XKR6: variants seen among roughly 807,000 people sequenced by gnomAD.
The protein encoded by XKR6 is XK-related protein 6.
In XKR6, 22 loss-of-function variants were observed where a neutral mutation model predicts 56.7. That is an observed-to-expected ratio of 0.39 (90% CI 0.28 to 0.55). XKR6 has a LOEUF of 0.55. XKR6 is among the 20% of genes least tolerant of loss of function. The pLI is 0.66. For missense variants in XKR6, 852 were observed against 889.0 expected, an observed-to-expected ratio of 0.96 and a Z score of 0.53; for synonymous variants, 524 against 387.8, an observed-to-expected ratio of 1.35 and a Z score of -4.13.
In XKR6 at chr8:11,123,176, G is replaced by T. The variant is rs540458306; in HGVS notation, c.764+77400C>A. Among the ~76,000 whole-genome samples the T allele has an allele frequency of 1.6e-3, 240 of 149,858 alleles. 1 individual carries two copies. The highest frequency in any genetic ancestry group is 3.8e-3 in the South Asian group (18 of 4,744). The stretch of plus-strand genomic sequence containing the variant: ...GGCTTGAACCTGGGAGGTGGAGGTC[G>T]CAGTGAGCCGAGATTGTGCCACTGC... On this transcript the variant is annotated intron_variant, in intron 1 of 2. Coordinates refer to ENST00000416569, the MANE Select transcript of XKR6 (RefSeq NM_173683.4).
rs79502306 is a variant in XKR6, at chr8:11,040,184, A to T, written c.765-115354T>A. On this transcript the variant is annotated intron_variant, in intron 1 of 2. Transcript: ENST00000416569. ...TAAGGTCCACGATGCCCTACTTTCC[A>T]CTCCTGCAGGAACAGGACCCTTCCT... Among the ~76,000 whole-genome samples the T allele has an allele frequency of 5.8e-3, 871 of 149,932 alleles. 7 individuals carry two copies. The highest frequency in any genetic ancestry group is 0.02 in the African/African-American group (830 of 40,740).
At chr8:11,192,524 G>A (rs1363647773) in intron 1 of XKR6, among the ~76,000 whole-genome samples, 4 of 150,216 alleles carry the variant, frequency 2.7e-5, no homozygotes, top group African/African-American at 4.8e-5. Flanking sequence ...CATAGGCAAG[G>A]GAACTGCTTG....
At chr8:10,926,024 A>G (rs945838968) in intron 1 of XKR6, among the ~76,000 whole-genome samples, 10 of 152,080 alleles carry the variant, frequency 6.6e-5, no homozygotes, top group African/African-American at 2.4e-4. Context: ...GTGGGAGAGA[A>G]CCACATGCCT....
intron 1 of XKR6, among the ~76,000 whole-genome samples, chr8:10,964,850 T>C (rs1802169281): frequency 6.6e-6 from 1 of 152,200 alleles, no homozygotes; most frequent in South Asian, 2.1e-4. Flanking sequence ...TCTAAAGCCC[T>C]TTCCCCTGAC....
At chr8:11,055,011 A>T (rs569218820) in intron 1 of XKR6, among the ~76,000 whole-genome samples, 6 of 152,178 alleles carry the variant, frequency 3.9e-5, no homozygotes, top group Admixed American at 6.5e-5. Flanking sequence ...GGCTGTAGAC[A>T]AGCAGATGGC....
In XKR6 at chr8:11,200,341, T is replaced by C. The variant is rs1403770454; in HGVS notation, c.764+235A>G. On this transcript the variant is annotated intron_variant, in intron 1 of 2. Coordinates refer to ENST00000416569, the MANE Select transcript of XKR6 (RefSeq NM_173683.4). This position sits in a 1 kb window ranked among gnomAD's most constrained non-coding sequence, Gnocchi z 6.4. ...AGGTTGGGGCAAGAGCCCCGCCGAG[T>C]GCGAAGCGGGGACGAGGACGGGCCA... is the stretch of plus-strand genomic sequence containing the variant. 6.6e-6 allele frequency among the ~76,000 whole-genome samples: 1 copy of C among 152,134 alleles called. No homozygotes were observed. Among genetic ancestry groups the C allele is most frequent in the Non-Finnish European group, 1.5e-5 (1 of 68,012 alleles).
At chr8:10,987,426 T>C (rs1797886205) in intron 1 of XKR6, among the ~76,000 whole-genome samples, 1 of 152,218 alleles carries the variant, frequency 6.6e-6, no homozygotes, top group Non-Finnish European at 1.5e-5. Flanking sequence ...CTTTGAATTC[T>C]CTCTCACACA....
At chr8:10,955,343 TC>T in intron 1 of XKR6, among the ~76,000 whole-genome samples, 1 of 152,250 alleles carries the variant, frequency 6.6e-6, no homozygotes, top group East Asian at 1.9e-4. Context: ...CAGCTAATTT[TC>T]TTATTTTTTT....
intron 1 of XKR6, among the ~76,000 whole-genome samples, chr8:11,103,531 T>C (rs1021959976): frequency 2.6e-5 from 4 of 152,180 alleles, no homozygotes; most frequent in Non-Finnish European, 5.9e-5. Context: ...CAAATGGGGC[T>C]TTTAAAATGG....
intron 1 of XKR6, among the ~76,000 whole-genome samples, chr8:11,012,106 C>A (rs192117357): frequency 1.2e-4 from 19 of 152,324 alleles, no homozygotes; most frequent in African/African-American, 4.3e-4. Context: ...CCCATCTAAG[C>A]AGATGGAGGA....
intron 1 of XKR6, among the ~76,000 whole-genome samples, chr8:11,049,008 C>T (rs189911910): frequency 2.8e-3 from 419 of 152,304 alleles, no homozygotes; most frequent in Non-Finnish European, 4.4e-3. Context: ...CTGCTGAAGA[C>T]GAGTCGGAAC....
chr8:11,151,303 T>G (rs1457587552), intron 1 of XKR6, among the ~76,000 whole-genome samples: 2 of 152,222 alleles, frequency 1.3e-5, no homozygotes. Context: ...CCCAAGTTCA[T>G]GTATACTAAT....
chr8:11,189,982 C>T (rs1563206480), intron 1 of XKR6, among the ~76,000 whole-genome samples: 1 of 152,002 alleles, frequency 6.6e-6, no homozygotes, highest in African/African-American at 2.4e-5. Flanking sequence ...CATGGTGAAA[C>T]ACTTTCTCTA....
intron 1 of XKR6, among the ~76,000 whole-genome samples, chr8:11,011,497 T>C (rs927260358): frequency 2.6e-5 from 4 of 152,200 alleles, no homozygotes; most frequent in African/African-American, 9.7e-5. Flanking sequence ...TCAACAAATA[T>C]TTACAGAGTT....
chr8:11,012,715 T>C (rs1181083347), intron 1 of XKR6, among the ~76,000 whole-genome samples: 5 of 151,912 alleles, frequency 3.3e-5, no homozygotes, highest in Non-Finnish European at 7.4e-5. Context: ...CTTGTTTTAA[T>C]CTTTTCTTTG....
intron 1 of XKR6, among the ~76,000 whole-genome samples, chr8:10,987,726 C>G (rs1797894858): frequency 6.6e-6 from 1 of 152,234 alleles, no homozygotes; most frequent in Admixed American, 6.5e-5. Flanking sequence ...CAAGCATTTA[C>G]TATGGCCCCA....
chr8:10,925,957 G>T (rs1313175438), intron 1 of XKR6, among the ~76,000 whole-genome samples: 1 of 152,120 alleles, frequency 6.6e-6, no homozygotes, highest in African/African-American at 2.4e-5. Context: ...ACAGTGCACA[G>T]CTCTGTGGGC....
At chr8:11,162,470 AAAAC>A (rs1801860860) in intron 1 of XKR6, among the ~76,000 whole-genome samples, 1 of 152,234 alleles carries the variant, frequency 6.6e-6, no homozygotes. Context: ...ACAAAACAAA[AAAAC>A]AAACAAAAAA....
chr8:11,062,888 C>A, intron 1 of XKR6: 1 of 455,302 alleles, frequency 2.2e-6, no homozygotes, highest in Middle Eastern at 3.3e-4. Flanking sequence ...CCCTTCCAGA[C>A]GTCGTACTGA....
Sources: allele counts gnomAD v4.1 joint callset (sites outside exome capture counted in the v4.1 genomes callset), GRCh38; gene constraint gnomAD v4.1.1; non-coding constraint Gnocchi (gnomAD v3.1); transcripts MANE v1.5; gene names NCBI Gene and HGNC (gene_info 2026-07-23, HGNC 2026-07-21).